The following LIN28B variants were observed in gnomAD, a reference collection of about 807,000 sequenced individuals.
LIN28B encodes the protein protein lin-28 homolog B.
LIN28B carries 5 observed loss-of-function variants against 21.9 expected under a neutral mutation model. The observed-to-expected ratio is 0.23, with a 90% CI of 0.12 to 0.48. LIN28B has a LOEUF of 0.48. Among genes scored for constraint, LIN28B ranks in the 20% least tolerant of loss-of-function variants. The pLI, the probability that LIN28B is intolerant of heterozygous loss-of-function variation, is 0.98. For missense variants in LIN28B, 245 were observed against 310.5 expected (o/e 0.79, Z 1.58); for synonymous variants, 109 against 111.3 (o/e 0.98, Z 0.13).
intron 3 of LIN28B, among the ~76,000 whole-genome samples, chr6:105,028,278 T>TTTGA (rs1771327999): frequency 6.6e-6 from 1 of 152,148 alleles, no homozygotes; most frequent in Admixed American, 6.5e-5. Context: ...TTTTAAGGAC[T>TTTGA]TTGATTCTGG....
In LIN28B at chr6:105,040,796, A is replaced by G. The variant is rs549244347; in HGVS notation, c.383+14314A>G. On this transcript the variant is annotated intron_variant, in intron 3 of 3. Coordinates refer to ENST00000345080, the MANE Select transcript of LIN28B (RefSeq NM_001004317.4). ...TCAATCGGATTTGGTATATTTTACT[A>G]AGAAATTATTTACTTCCATTAGATT... Among the ~76,000 whole-genome samples, 4 of 152,280 alleles carry G rather than the reference A, an allele frequency of 2.6e-5. No individual in the cohort carries two copies. In the South Asian group the frequency reaches 6.2e-4, roughly 24 times the overall value.
intron 2 of LIN28B, among the ~76,000 whole-genome samples, chr6:105,003,178 G>T (rs916051190): frequency 1.3e-5 from 2 of 152,178 alleles, no homozygotes; most frequent in Admixed American, 1.3e-4. Flanking sequence ...GAAAGAGAAA[G>T]ATACTGATAA....
chr6:105,045,687 A>AAG (rs1263969540), intron 3 of LIN28B: 1 of 152,224 alleles, frequency 6.6e-6, no homozygotes, highest in East Asian at 1.9e-4. Context: ...TTCATATTAA[A>AAG]AGAGTTAATC....
At chr6:104,981,747 C>T (rs1050365857) in intron 2 of LIN28B, among the ~76,000 whole-genome samples, 2 of 152,124 alleles carry the variant, frequency 1.3e-5, no homozygotes, top group African/African-American at 2.4e-5. Flanking sequence ...ATGTCAATCC[C>T]AAGATACCCA....
intron 3 of LIN28B, among the ~76,000 whole-genome samples, chr6:105,031,328 G>A (rs1303944872): frequency 6.6e-6 from 1 of 151,688 alleles, no homozygotes; most frequent in Non-Finnish European, 1.5e-5. Context: ...CTTTCTTACT[G>A]GTATAAGATA....
intron 3 of LIN28B, among the ~76,000 whole-genome samples, chr6:105,046,911 A>T (rs975248236): frequency 2.0e-5 from 3 of 151,990 alleles, no homozygotes; most frequent in African/African-American, 7.3e-5. Context: ...TAGATTCTGG[A>T]TATTAGCCCT....
Position 105,078,796 on chromosome 6 carries a change from A to G in LIN28B, c.*13A>G. The G allele has an allele frequency of 6.2e-7, 1 of 1,606,468 alleles. No homozygotes were observed. ...GAAAAAGACATAACAGGTCTTCTTCATATGTTCTTTCCTTTACCCGGTTGC... is the reference window on the plus strand; with the variant it reads ...GAAAAAGACATAACAGGTCTTCTTCGTATGTTCTTTCCTTTACCCGGTTGC... On this transcript the variant is annotated 3_prime_UTR_variant, in exon 4 of 4. Coordinates refer to ENST00000345080, the MANE Select transcript of LIN28B (RefSeq NM_001004317.4).
intron 3 of LIN28B, among the ~76,000 whole-genome samples, chr6:105,053,874 G>C (rs1407093720): frequency 3.3e-5 from 5 of 152,008 alleles, no homozygotes; most frequent in Non-Finnish European, 5.9e-5. Flanking sequence ...AGGATTACAG[G>C]CTGGGTTTAT....
chr6:104,967,987 CTT>C (rs1343994476), intron 2 of LIN28B, among the ~76,000 whole-genome samples: 1 of 152,196 alleles, frequency 6.6e-6, no homozygotes, highest in Non-Finnish European at 1.5e-5. Context: ...ATGTGAGCCA[CTT>C]TGCTCAGCTT....
intron 3 of LIN28B, among the ~76,000 whole-genome samples, chr6:105,059,662 G>A (rs1382962506): frequency 1.3e-5 from 2 of 152,116 alleles, no homozygotes; most frequent in Non-Finnish European, 2.9e-5. Flanking sequence ...CTGCCATAGA[G>A]TTACATTATA....
intron 3 of LIN28B, among the ~76,000 whole-genome samples, chr6:105,060,788 G>T (rs1013778070): frequency 1.3e-5 from 2 of 152,226 alleles, no homozygotes; most frequent in South Asian, 2.1e-4. Context: ...TATTGGAAGA[G>T]ATTTGGAAAC....
At chr6:104,961,621 C>T (rs942577371) in intron 2 of LIN28B, among the ~76,000 whole-genome samples, 2 of 152,042 alleles carry the variant, frequency 1.3e-5, no homozygotes, top group African/African-American at 2.4e-5. Context: ...AGGCTAGTCA[C>T]GAGCTCCTGA....
At chr6:104,974,497 A>G (rs1582873323) in intron 2 of LIN28B, among the ~76,000 whole-genome samples, 1 of 151,446 alleles carries the variant, frequency 6.6e-6, no homozygotes, top group Non-Finnish European at 1.5e-5. Context: ...TCAAAAAAAA[A>G]AAAAAAAGAA....
chr6:105,001,770 T>C (rs1316807828), intron 2 of LIN28B, among the ~76,000 whole-genome samples: 2 of 152,210 alleles, frequency 1.3e-5, no homozygotes, highest in Non-Finnish European at 2.9e-5. Context: ...AAGAAGATGT[T>C]ATGATATCCC....
At chr6:104,987,936 G>T (rs1006526308) in intron 2 of LIN28B, among the ~76,000 whole-genome samples, 17 of 152,158 alleles carry the variant, frequency 1.1e-4, no homozygotes, top group Admixed American at 2.6e-4. Flanking sequence ...TAGAGATGGG[G>T]TTTCACCATG....
At position 104,989,465 on chromosome 6, in the gene LIN28B, C is replaced by T. The variant is rs150301656; in HGVS notation, c.198+31179C>T. ...CTCAATCTCTTGGCCTCAAGCAGTCCGCCCACCTTGGCCTCCCAAAGTGCT... is the reference window on the plus strand; with the variant it reads ...CTCAATCTCTTGGCCTCAAGCAGTCTGCCCACCTTGGCCTCCCAAAGTGCT... On this transcript the variant is annotated intron_variant, in intron 2 of 3. Transcript: ENST00000345080. Among the ~76,000 whole-genome samples, 126 of 152,154 alleles carry T rather than the reference C, an allele frequency of 8.3e-4. 4 individuals carry two copies. The East Asian group carries it at 0.02, about 24-fold the overall frequency.
In LIN28B at chr6:105,012,191, G is replaced by T. The variant is rs190054006; in HGVS notation, c.199-14107G>T. 5.4e-3 allele frequency among the ~76,000 whole-genome samples: 812 copies of T among 151,080 alleles called. 7 individuals carry two copies. The highest frequency in any genetic ancestry group is 0.019 in the African/African-American group (770 of 41,168). On this transcript the variant is annotated intron_variant, in intron 2 of 3. Transcript: ENST00000345080. Reference sequence around the variant, plus strand: ...AATAAAATAAACCGACCTTGGGCTGGGTGCGGTGGCTCACACCTGTAATCC... The same window carrying T: ...AATAAAATAAACCGACCTTGGGCTGTGTGCGGTGGCTCACACCTGTAATCC...
intron 3 of LIN28B, among the ~76,000 whole-genome samples, chr6:105,063,636 G>T (rs1314437299): frequency 2.7e-5 from 2 of 73,670 alleles, no homozygotes; most frequent in Admixed American, 1.5e-4. Context: ...ACTCCATCTC[G>T]GGGGGGGGGG....
At chr6:105,061,297 A>G (rs1346887536) in intron 3 of LIN28B, among the ~76,000 whole-genome samples, 1 of 152,182 alleles carries the variant, frequency 6.6e-6, no homozygotes, top group Non-Finnish European at 1.5e-5. Flanking sequence ...GCAACAAAGC[A>G]AATTAATTTA....
Sources: gnomAD v4.1 joint callset for allele counts (sites outside exome capture counted in the v4.1 genomes callset) on GRCh38, gnomAD v4.1.1 for gene constraint, MANE v1.5 for transcripts, NCBI Gene and HGNC (gene_info 2026-07-23, HGNC 2026-07-21) for gene names.